Variants in RANBP17 observed in about 807,000 individuals in gnomAD.
RANBP17 encodes RAN binding protein 17, also known as ran-binding protein 17.
A neutral mutation model predicts 141.2 loss-of-function variants in RANBP17; 158 were observed. That is an observed-to-expected ratio of 1.12 (90% CI 0.98 to 1.28). The LOEUF is 1.28. RANBP17 is among the 50% of genes most tolerant of loss of function. The pLI is 0.00. For synonymous variants in RANBP17, 430 were observed against 450.0 expected, an observed-to-expected ratio of 0.96 and a Z score of 0.56; for missense variants, 1,438 against 1,290.7, an observed-to-expected ratio of 1.11 and a Z score of -1.75.
chr5:171,024,217 G>A (rs1024148151), intron 14 of RANBP17, among the ~76,000 whole-genome samples: 1 of 152,070 alleles, frequency 6.6e-6, no homozygotes, highest in African/African-American at 2.4e-5. Flanking sequence ...AGTACTGCAG[G>A]GTGGTATGAT....
At chr5:171,170,485 A>G (rs569303058) in intron 15 of RANBP17, among the ~76,000 whole-genome samples, 39 of 151,134 alleles carry the variant, frequency 2.6e-4, no homozygotes, top group African/African-American at 8.6e-4. Context: ...CTTCAGATCA[A>G]TTGGGCAGCA....
chr5:171,074,859 T>C (rs2127698791), intron 14 of RANBP17, among the ~76,000 whole-genome samples: 1 of 152,320 alleles, frequency 6.6e-6, no homozygotes. Context: ...TTTGAGACTT[T>C]GTGTTCTAAA....
At chr5:171,054,884 A>G (rs1783236149) in intron 14 of RANBP17, among the ~76,000 whole-genome samples, 1 of 152,134 alleles carries the variant, frequency 6.6e-6, no homozygotes, top group Non-Finnish European at 1.5e-5. Context: ...GATGATATAC[A>G]TGTCTAACTA....
intron 12 of RANBP17, among the ~76,000 whole-genome samples, chr5:170,926,838 A>G (rs887092836): frequency 6.6e-6 from 1 of 152,174 alleles, no homozygotes; most frequent in Non-Finnish European, 1.5e-5. Context: ...ATGAATATAT[A>G]AATTCTTACC....
In RANBP17 at chr5:171,134,142, A is replaced by G. The variant is rs1015394518; in HGVS notation, c.1711-35988A>G. ...CATATATTCTTTGGATTCCTTTCTA[A>G]AATAAGCCATTGTTAAAAGATGGAT... On this transcript the variant is annotated intron_variant, in intron 14 of 27. Coordinates refer to ENST00000523189, the MANE Select transcript of RANBP17 (RefSeq NM_022897.5). 8.5e-5 allele frequency among the ~76,000 whole-genome samples: 13 copies of G among 152,202 alleles called. No homozygotes were observed. The East Asian group carries it at 9.6e-4, about 11-fold the overall frequency.
intron 14 of RANBP17, among the ~76,000 whole-genome samples, chr5:171,045,081 T>C (rs1782483855): frequency 6.6e-6 from 1 of 152,116 alleles, no homozygotes; most frequent in Non-Finnish European, 1.5e-5. Context: ...TTATTATTGT[T>C]TGTCTGTAAA....
At chr5:171,147,740 G>A (rs1758160166) in intron 14 of RANBP17, among the ~76,000 whole-genome samples, 1 of 152,162 alleles carries the variant, frequency 6.6e-6, no homozygotes, top group Non-Finnish European at 1.5e-5. Flanking sequence ...AGCAGCTAAA[G>A]AAAGGTAAAA....
At chr5:171,120,718 T>C (rs1159805141) in intron 14 of RANBP17, among the ~76,000 whole-genome samples, 1 of 152,244 alleles carries the variant, frequency 6.6e-6, no homozygotes, top group African/African-American at 2.4e-5. Context: ...TATTTCCTTG[T>C]GATTGGAGTC....
intron 5 of RANBP17, chr5:170,897,219 G>T: frequency 3.0e-6 from 2 of 674,422 alleles, no homozygotes; most frequent in Non-Finnish European, 5.6e-6. Context: ...AAAGTTTTTG[G>T]CAGTCTGTAT....
intron 14 of RANBP17, among the ~76,000 whole-genome samples, chr5:171,000,131 CCATT>C (rs1265774152): frequency 2.6e-5 from 4 of 152,138 alleles, no homozygotes; most frequent in African/African-American, 9.7e-5. Flanking sequence ...TTTTGCTTAT[CCATT>C]CATTCATCAG....
chr5:170,938,431 A>G (rs1302314701), intron 12 of RANBP17, among the ~76,000 whole-genome samples: 2 of 152,238 alleles, frequency 1.3e-5, no homozygotes, highest in South Asian at 2.1e-4. Context: ...CACATAAACA[A>G]TGAAGTAAGC....
At chr5:171,074,119 A>C (rs1406580402) in intron 14 of RANBP17, among the ~76,000 whole-genome samples, 1 of 152,190 alleles carries the variant, frequency 6.6e-6, no homozygotes, top group African/African-American at 2.4e-5. Flanking sequence ...ATAGTTAGGA[A>C]ATCAGTCAGA....
intron 14 of RANBP17, among the ~76,000 whole-genome samples, chr5:171,041,721 A>C (rs1782260082): frequency 6.6e-6 from 1 of 152,132 alleles, no homozygotes; most frequent in African/African-American, 2.4e-5. Context: ...GGCACAGTAA[A>C]AAATACACTT....
chr5:170,878,496 T>TTTA (rs1768384773), intron 2 of RANBP17, among the ~76,000 whole-genome samples: 1 of 152,086 alleles, frequency 6.6e-6, no homozygotes, highest in Non-Finnish European at 1.5e-5. Context: ...TTGGTCTCTT[T>TTTA]TTATGTCTCA....
chr5:171,233,098 T>C (rs1189931172), intron 22 of RANBP17, among the ~76,000 whole-genome samples: 1 of 152,170 alleles, frequency 6.6e-6, no homozygotes, highest in Non-Finnish European at 1.5e-5. Context: ...CCTAGCACTT[T>C]GGGAGGCTGA....
At chr5:171,255,820 T>G (rs528292054) in intron 24 of RANBP17, among the ~76,000 whole-genome samples, 5 of 152,304 alleles carry the variant, frequency 3.3e-5, no homozygotes, top group Admixed American at 6.5e-5. Flanking sequence ...TGTGTAACTA[T>G]GTACATGATT....
intron 14 of RANBP17, among the ~76,000 whole-genome samples, chr5:171,057,645 G>A (rs1348645748): frequency 4.1e-5 from 5 of 123,042 alleles, no homozygotes; most frequent in African/African-American, 8.0e-5. Context: ...AAATACCCAA[G>A]ACTTGATAAT....
intron 14 of RANBP17, among the ~76,000 whole-genome samples, chr5:171,122,061 G>A (rs751640406): frequency 1.3e-5 from 2 of 152,100 alleles, no homozygotes; most frequent in Non-Finnish European, 2.9e-5. Flanking sequence ...GGGGCTGGTG[G>A]GGTTCTTCTG....
chr5:171,079,175 A>G (rs967768280), intron 14 of RANBP17, among the ~76,000 whole-genome samples: 26 of 152,226 alleles, frequency 1.7e-4, no homozygotes, highest in Non-Finnish European at 2.9e-5. Flanking sequence ...AGGATCGGAA[A>G]TAACTGCAGA....
Sources: allele counts gnomAD v4.1 joint callset (sites outside exome capture counted in the v4.1 genomes callset), GRCh38; gene constraint gnomAD v4.1.1; transcripts MANE v1.5; gene names NCBI Gene and HGNC (gene_info 2026-07-23, HGNC 2026-07-21).